The following CNTNAP5 variants were observed in gnomAD, a reference collection of about 807,000 sequenced individuals.
CNTNAP5 encodes the protein contactin-associated protein-like 5.
CNTNAP5 carries 72 observed loss-of-function variants against 150.2 expected under a neutral mutation model. The ratio of observed to expected loss-of-function variants is 0.48; its 90% CI spans 0.40 to 0.58. CNTNAP5 has a LOEUF of 0.58. Among genes scored for constraint, CNTNAP5 ranks in the 20% least tolerant of loss-of-function variants. The probability of loss-of-function intolerance (pLI) is 0.00; values close to 1 mark genes in which losing one functional copy is unlikely to be tolerated. For synonymous variants in CNTNAP5, 672 were observed against 619.8 expected (o/e 1.08, Z -1.25); for missense variants, 1,636 against 1,626.2 (o/e 1.01, Z -0.10).
At position 124,145,979 on chromosome 2, in the gene CNTNAP5, C is replaced by T. The variant is rs1053477638; in HGVS notation, c.83-75726C>T. Among the ~76,000 whole-genome samples the T allele has an allele frequency of 3.3e-5, 5 of 152,068 alleles. No individual in the cohort carries two copies. The South Asian group carries it at 1.0e-3, about 32-fold the overall frequency. The stretch of plus-strand genomic sequence containing the variant: ...TTGCTGGGGTGTTGAATTAATAGCA[C>T]TTGGCATTTGTACAGCAATTTTTAT... On this transcript the variant is annotated intron_variant, in intron 1 of 23. Coordinates refer to ENST00000682447, the MANE Select transcript of CNTNAP5 (RefSeq NM_001367498.1).
chr2:124,342,774 A>G (rs2104693712), intron 3 of CNTNAP5, among the ~76,000 whole-genome samples: 1 of 152,330 alleles, frequency 6.6e-6, no homozygotes, highest in South Asian at 2.1e-4. Flanking sequence ...AAAGAAAAAC[A>G]AAGTCTTGCT....
rs531295878 is a variant in CNTNAP5 at position 124,848,753 on chromosome 2, G to A, written c.3218-16553G>A. Reference sequence around the variant, plus strand: ...GATCTGCATTTCTCTGATGAGTAGCGATATTGAGCACCATTTTGTAGATCT... The same window carrying A: ...GATCTGCATTTCTCTGATGAGTAGCAATATTGAGCACCATTTTGTAGATCT... On this transcript the variant is annotated intron_variant, in intron 19 of 23. Coordinates refer to ENST00000682447, the MANE Select transcript of CNTNAP5 (RefSeq NM_001367498.1). Among the ~76,000 whole-genome samples the A allele has an allele frequency of 2.0e-4, 31 of 152,224 alleles. 1 individual carries two copies. The highest frequency in any genetic ancestry group is 1.9e-3 in the South Asian group (9 of 4,818).
At chr2:124,251,466 GC>G (rs766828358) in intron 3 of CNTNAP5, among the ~76,000 whole-genome samples, 3 of 61,314 alleles carry the variant, frequency 4.9e-5, no homozygotes, top group South Asian at 7.8e-4. Flanking sequence ...CGCTGTGGGT[GC>G]TTTTTTTTTT....
chr2:124,299,940 C>G (rs974090191), intron 3 of CNTNAP5, among the ~76,000 whole-genome samples: 2 of 152,188 alleles, frequency 1.3e-5, no homozygotes, highest in African/African-American at 4.8e-5. Flanking sequence ...ATACACACCA[C>G]TCTTGCTTGC....
At chr2:124,212,124 C>A (rs547547571) in intron 1 of CNTNAP5, among the ~76,000 whole-genome samples, 1 of 152,282 alleles carries the variant, frequency 6.6e-6, no homozygotes, top group South Asian at 2.1e-4. Context: ...ATATTCAATG[C>A]ATAATCATCT....
chr2:124,269,425 T>A (rs1470281082), intron 3 of CNTNAP5, among the ~76,000 whole-genome samples: 2 of 152,130 alleles, frequency 1.3e-5, no homozygotes, highest in Admixed American at 1.3e-4. Flanking sequence ...ACCCCAGGAC[T>A]GCTTATCTGC....
intron 4 of CNTNAP5, among the ~76,000 whole-genome samples, chr2:124,421,046 G>A (rs550672051): frequency 3.3e-5 from 5 of 152,168 alleles, no homozygotes; most frequent in South Asian, 2.1e-4. Flanking sequence ...TTAAAACCTC[G>A]TTTTTCCTCC....
chr2:124,495,671 C>T (rs767745978), intron 7 of CNTNAP5, among the ~76,000 whole-genome samples: 10 of 152,228 alleles, frequency 6.6e-5, no homozygotes, highest in Non-Finnish European at 1.3e-4. Flanking sequence ...CCTTGAAGGC[C>T]TCCTTTGGCA....
At chr2:124,215,921 G>A (rs906293429) in intron 1 of CNTNAP5, among the ~76,000 whole-genome samples, 13 of 152,086 alleles carry the variant, frequency 8.5e-5, no homozygotes, top group Admixed American at 2.6e-4. Context: ...CTGGACTAGG[G>A]CCACCTACAA....
chr2:124,433,466 T>A (rs1161920181), intron 4 of CNTNAP5, among the ~76,000 whole-genome samples: 1 of 152,066 alleles, frequency 6.6e-6, no homozygotes, highest in Non-Finnish European at 1.5e-5. Flanking sequence ...GGAAAAAAAA[T>A]TATCATTGTG....
chr2:124,233,634 T>A (rs1686676763), intron 2 of CNTNAP5, among the ~76,000 whole-genome samples: 1 of 152,104 alleles, frequency 6.6e-6, no homozygotes, highest in Non-Finnish European at 1.5e-5. Flanking sequence ...ATCTTCATTC[T>A]ATCCCTTTCT....
At chr2:124,873,252 T>G (rs1677789433) in intron 21 of CNTNAP5, among the ~76,000 whole-genome samples, 1 of 152,074 alleles carries the variant, frequency 6.6e-6, no homozygotes, top group African/African-American at 2.4e-5. Context: ...TCTCACCAAC[T>G]TACTCACCAT....
chr2:124,814,149 C>T (rs1421930512), intron 19 of CNTNAP5, among the ~76,000 whole-genome samples: 1 of 151,520 alleles, frequency 6.6e-6, no homozygotes, highest in Non-Finnish European at 1.5e-5. Flanking sequence ...ACTATACTCT[C>T]TGTCTATATT....
At chr2:124,126,484 A>G (rs62163882) in intron 1 of CNTNAP5, among the ~76,000 whole-genome samples, 31,495 of 152,092 alleles carry the variant, frequency 0.21, 3,584 homozygotes, top group South Asian at 0.27. Context: ...AGAGGTACAA[A>G]GAGGAGCTGG....
At chr2:124,245,611 A>T (rs35544666) in intron 3 of CNTNAP5, among the ~76,000 whole-genome samples, 2,473 of 151,432 alleles carry the variant, frequency 0.016, 35 homozygotes, top group Middle Eastern at 0.038. Flanking sequence ...AAATATATAT[A>T]TGCATGTGTG....
intron 10 of CNTNAP5, among the ~76,000 whole-genome samples, chr2:124,551,969 A>T (rs141922599): frequency 6.6e-6 from 1 of 152,332 alleles, no homozygotes; most frequent in Non-Finnish European, 1.5e-5. Context: ...GTGTCTAAAC[A>T]GTTCATATGT....
chr2:124,415,282 A>G (rs563180420), intron 3 of CNTNAP5, among the ~76,000 whole-genome samples: 89 of 152,348 alleles, frequency 5.8e-4, no homozygotes, highest in African/African-American at 1.9e-3. Flanking sequence ...TCATTCTTTT[A>G]TATGAGAGTT....
chr2:124,156,933 T>C (rs570299802), intron 1 of CNTNAP5, among the ~76,000 whole-genome samples: 1 of 152,322 alleles, frequency 6.6e-6, no homozygotes, highest in Admixed American at 6.5e-5. Context: ...ACCATAACAT[T>C]ACCTATCTTG....
At chr2:124,503,866 G>A (rs1054748108) in intron 7 of CNTNAP5, among the ~76,000 whole-genome samples, 2 of 151,994 alleles carry the variant, frequency 1.3e-5, no homozygotes, top group Non-Finnish European at 2.9e-5. Context: ...GTTTTCCTTC[G>A]CATAACCTTT....
Sources: allele counts gnomAD v4.1 joint callset (sites outside exome capture counted in the v4.1 genomes callset), GRCh38; gene constraint gnomAD v4.1.1; transcripts MANE v1.5; gene names NCBI Gene and HGNC (gene_info 2026-07-23, HGNC 2026-07-21).